The following ELL2 variants were observed in gnomAD, a reference collection of about 807,000 sequenced individuals.
ELL2 encodes RNA polymerase II elongation factor ELL2.
Under a neutral mutation model 72.8 loss-of-function variants are expected in ELL2, and 21 were observed. That is an observed-to-expected ratio of 0.29 (90% CI 0.20 to 0.42). ELL2 has a LOEUF of 0.42. ELL2 is among the 10% of genes least tolerant of loss of function. The pLI is 1.00. For missense variants in ELL2, 568 were observed against 772.8 expected (o/e 0.73, Z 3.14); for synonymous variants, 266 against 283.2 (o/e 0.94, Z 0.61).
chr5:95,927,422 C>G (rs1471975502), intron 2 of ELL2, among the ~76,000 whole-genome samples: 3 of 40,968 alleles, frequency 7.3e-5, no homozygotes, highest in African/African-American at 2.7e-4. Flanking sequence ...TGTATATAGA[C>G]ATACACACAC....
At chr5:95,929,645 A>C (rs1463550818) in intron 2 of ELL2, among the ~76,000 whole-genome samples, 2 of 152,174 alleles carry the variant, frequency 1.3e-5, no homozygotes, top group Non-Finnish European at 2.9e-5. Flanking sequence ...AACTTAGATT[A>C]AATTCACTCA....
intron 1 of ELL2, among the ~76,000 whole-genome samples, chr5:95,945,778 G>C (rs1751134353): frequency 6.6e-6 from 1 of 152,224 alleles, no homozygotes; most frequent in Non-Finnish European, 1.5e-5. Flanking sequence ...TGTATGGTCA[G>C]AGGGCAGGTC....
Position 95,917,404 on chromosome 5 carries a change from C to G in ELL2, c.317+2020G>C, listed in dbSNP as rs3777189. 0.34 allele frequency among the ~76,000 whole-genome samples: 51,263 copies of G among 152,012 alleles called. 9,562 individuals carry two copies. The highest frequency in any genetic ancestry group is 0.51 in the African/African-American group (21,139 of 41,422). ...AGTCAATAAGCATGTATTTTGAGCT[C>G]AGTCAGCACTGTGAAATTAGAAAAA... On this transcript the variant is annotated intron_variant, in intron 3 of 11. Transcript: ENST00000237853.
chr5:95,912,256 T>G (rs1252800631), intron 4 of ELL2, among the ~76,000 whole-genome samples: 1 of 152,064 alleles, frequency 6.6e-6, no homozygotes, highest in Non-Finnish European at 1.5e-5. Context: ...AATGGAAAAG[T>G]GCAGTCATCA....
At chr5:95,898,881 T>TAACC in intron 7 of ELL2, 71 bp from the exon 8 acceptor site, 1 of 1,162,600 alleles carries the variant, frequency 8.6e-7, no homozygotes. Flanking sequence ...CATGCATGGC[T>TAACC]GGTTAAACAA....
intron 2 of ELL2, among the ~76,000 whole-genome samples, chr5:95,922,624 T>C (rs1420672130): frequency 6.6e-6 from 1 of 152,108 alleles, no homozygotes; most frequent in Non-Finnish European, 1.5e-5. Context: ...GTAACATTTA[T>C]GCTTTTTAAG....
chr5:95,906,402 A>G (rs2112289513), intron 5 of ELL2, 121 bp downstream of exon 5: 6 of 1,103,700 alleles, frequency 5.4e-6, no homozygotes, highest in Non-Finnish European at 7.5e-6. Context: ...CATACCACTG[A>G]TCAAAATAAT....
intron 3 of ELL2, among the ~76,000 whole-genome samples, chr5:95,915,324 A>T (rs1749746578): frequency 6.6e-6 from 1 of 152,172 alleles, no homozygotes; most frequent in Admixed American, 6.5e-5. Context: ...GATGGTCTTG[A>T]TCTCTTGACC....
chr5:95,937,124 G>A (rs1229016119), intron 2 of ELL2, among the ~76,000 whole-genome samples: 1 of 152,170 alleles, frequency 6.6e-6, no homozygotes, highest in Non-Finnish European at 1.5e-5. Flanking sequence ...GCATTCCAAA[G>A]TGATGCAGTT....
intron 1 of ELL2, among the ~76,000 whole-genome samples, chr5:95,956,706 A>G (rs1561518224): frequency 6.6e-6 from 1 of 152,222 alleles, no homozygotes; most frequent in African/African-American, 2.4e-5. Flanking sequence ...GAAAAAAAGG[A>G]TAAGGCAAGG....
At chr5:95,912,207 C>A (rs1749630248) in intron 4 of ELL2, among the ~76,000 whole-genome samples, 1 of 151,720 alleles carries the variant, frequency 6.6e-6, no homozygotes, top group Non-Finnish European at 1.5e-5. Context: ...TGAAAACAAA[C>A]AAAAACACAT....
At chr5:95,939,311 T>C (rs1375430746) in intron 2 of ELL2, among the ~76,000 whole-genome samples, 2 of 152,240 alleles carry the variant, frequency 1.3e-5, no homozygotes, top group African/African-American at 4.8e-5. Context: ...TATTAGTCTG[T>C]ATGTGTTTGT....
chr5:95,915,315 A>G (rs1250537719), intron 3 of ELL2, among the ~76,000 whole-genome samples: 1 of 152,158 alleles, frequency 6.6e-6, no homozygotes, highest in Non-Finnish European at 1.5e-5. Context: ...GTTGGCCAGG[A>G]TGGTCTTGAT....
intron 8 of ELL2, among the ~76,000 whole-genome samples, chr5:95,896,803 T>G (rs1285978606): frequency 6.6e-6 from 1 of 152,332 alleles, no homozygotes; most frequent in South Asian, 2.1e-4. Context: ...AGACTAAGTC[T>G]GCTTCTCCAG....
In ELL2 at chr5:95,950,948, A is replaced by T. The variant is rs12656414; in HGVS notation, c.148-7899T>A. Among the ~76,000 whole-genome samples the T allele has an allele frequency of 1.2e-3, 123 of 104,402 alleles. 2 individuals are homozygous for T. In the East Asian group the frequency reaches 0.024, roughly 21 times the overall value. 68.5% of individuals were successfully genotyped at this position (104,402 alleles called of 152,430 possible). ...TATATATATATATATATATATATATATATATAAAATCTTCATATATATGGT... is the reference window on the plus strand; with the variant it reads ...TATATATATATATATATATATATATTTATATAAAATCTTCATATATATGGT... On this transcript the variant is annotated intron_variant, in intron 1 of 11. Transcript: ENST00000237853.
In ELL2 at chr5:95,887,970, G is replaced by A. The variant is rs1387117212; in HGVS notation, c.*901C>T. ...TCTTCCACAACAAAAGTAGCAATTT[G>A]ATAGAAGAAAAAAAACAAAAAAACA... On this transcript the variant is annotated 3_prime_UTR_variant, in exon 12 of 12. Transcript: ENST00000237853. 3 of 152,274 alleles carry A rather than the reference G, an allele frequency of 2.0e-5. No homozygotes were observed. Among genetic ancestry groups the A allele is most frequent in the Non-Finnish European group, 4.4e-5 (3 of 67,992 alleles). The allele number at this position is 152,274 out of a possible 1,614,324, so 9.4% of individuals were successfully genotyped here. A position where few individuals can be genotyped will look rare whatever the true frequency, so the allele number is the denominator to read the frequency against.
chr5:95,933,136 T>TG (rs1239640286), intron 2 of ELL2, among the ~76,000 whole-genome samples: 3 of 152,334 alleles, frequency 2.0e-5, no homozygotes, highest in Admixed American at 1.3e-4. Flanking sequence ...CAATATTGGC[T>TG]GGGGAAAACC....
chr5:95,893,543 G>A (rs905289878), intron 9 of ELL2, among the ~76,000 whole-genome samples: 2 of 152,014 alleles, frequency 1.3e-5, no homozygotes, highest in Non-Finnish European at 2.9e-5. Flanking sequence ...CCGCCACCAC[G>A]CTCGACTAAT....
rs1032255383 is a variant in ELL2, at chr5:95,891,281, A to C, written c.1590-7T>G. On this transcript the variant is annotated splice_polypyrimidine_tract_variant and splice_region_variant and intron_variant, in intron 9 of 11. Coordinates refer to ENST00000237853, the MANE Select transcript of ELL2 (RefSeq NM_012081.6). ...GACGATAGCGATATATTTTCTAATA[A>C]GAAAAAAGATAAATGGAGAGTAGCT... is the stretch of plus-strand genomic sequence containing the variant. 2 of 1,596,830 alleles carry C rather than the reference A, an allele frequency of 1.3e-6. No individual in the cohort carries two copies. Among genetic ancestry groups the C allele is most frequent in the Non-Finnish European group, 8.5e-7 (1 of 1,173,780 alleles).
Sources: gnomAD v4.1 joint callset for allele counts (sites outside exome capture counted in the v4.1 genomes callset) on GRCh38, gnomAD v4.1.1 for gene constraint, MANE v1.5 for transcripts, NCBI Gene and HGNC (gene_info 2026-07-23, HGNC 2026-07-21) for gene names.